SMG1: variants seen among roughly 807,000 people sequenced by gnomAD.
SMG1 encodes the protein serine/threonine-protein kinase SMG1.
SMG1 carries 22 observed loss-of-function variants against 419.9 expected under a neutral mutation model. The ratio of observed to expected loss-of-function variants is 0.05; its 90% CI spans 0.04 to 0.07. SMG1 has a LOEUF of 0.07. Among genes scored for constraint, SMG1 ranks in the 10% least tolerant of loss-of-function variants. The pLI, the probability that SMG1 is intolerant of heterozygous loss-of-function variation, is 1.00. For synonymous variants in SMG1, 1,538 were observed against 1,553.5 expected, an observed-to-expected ratio of 0.99 and a Z score of 0.23; for missense variants, 3,185 against 4,342.0, an observed-to-expected ratio of 0.73 and a Z score of 7.49.
At chr16:18,843,431 A>C (rs2034041173) in intron 39 of SMG1, among the ~76,000 whole-genome samples, 1 of 152,232 alleles carries the variant, frequency 6.6e-6, no homozygotes, top group Non-Finnish European at 1.5e-5. Flanking sequence ...TTGTGTTGCT[A>C]CATGCAGCAA....
At chr16:18,877,725 A>G (rs1206042673) in intron 11 of SMG1, 1 of 153,138 alleles carries the variant, frequency 6.5e-6, no homozygotes, top group Non-Finnish European at 1.5e-5. Flanking sequence ...AATTTTCTGT[A>G]TATCTAAAAA....
intron 50 of SMG1, 79 bp from the exon 51 acceptor site, chr16:18,833,245 A>G (rs1465045949): frequency 2.0e-5 from 21 of 1,066,776 alleles, no homozygotes; most frequent in African/African-American, 4.8e-5. Context: ...AGAGCCATAC[A>G]TTAAGAGCAA....
chr16:18,842,118 A>T, intron 40 of SMG1, 90 bp downstream of exon 40: 2 of 1,386,174 alleles, frequency 1.4e-6, no homozygotes, highest in Non-Finnish European at 2.0e-6. Context: ...ATTCGCCTGA[A>T]ATAATCTCCT....
chr16:18,890,432 G>GT (rs2036825449), intron 5 of SMG1, among the ~76,000 whole-genome samples: 1 of 152,202 alleles, frequency 6.6e-6, no homozygotes, highest in African/African-American at 2.4e-5. Flanking sequence ...GATGTCAGGA[G>GT]TTTGAGACCA....
chr16:18,903,993 G>A (rs1438020290), intron 1 of SMG1, among the ~76,000 whole-genome samples: 4 of 143,238 alleles, frequency 2.8e-5, no homozygotes, highest in Non-Finnish European at 6.0e-5. Flanking sequence ...GCTGAAGTGC[G>A]GTGACGTGAT....
At chr16:18,905,218 G>A (rs1047272457) in intron 1 of SMG1, among the ~76,000 whole-genome samples, 9 of 152,112 alleles carry the variant, frequency 5.9e-5, no homozygotes, top group African/African-American at 1.9e-4. Flanking sequence ...CTGAGGTCGC[G>A]CCATTGCACT....
At chr16:18,912,096 A>C (rs1291930283) in intron 1 of SMG1, among the ~76,000 whole-genome samples, 1 of 151,772 alleles carries the variant, frequency 6.6e-6, no homozygotes, top group Non-Finnish European at 1.5e-5. Flanking sequence ...AAAAAAAAAA[A>C]AAACCATTCT....
At chr16:18,840,591 A>G (rs1050364013) in intron 41 of SMG1, among the ~76,000 whole-genome samples, 2 of 152,212 alleles carry the variant, frequency 1.3e-5, no homozygotes, top group African/African-American at 4.8e-5. Flanking sequence ...TATATTAAGC[A>G]CTCAGATACA....
chr16:18,905,588 C>T (rs1465204228), intron 1 of SMG1, among the ~76,000 whole-genome samples: 1 of 151,546 alleles, frequency 6.6e-6, no homozygotes, highest in Non-Finnish European at 1.5e-5. Flanking sequence ...TTATCCCAAT[C>T]CAAGTATTCT....
intron 4 of SMG1, among the ~76,000 whole-genome samples, chr16:18,891,727 C>T (rs1385956651): frequency 1.3e-5 from 2 of 152,188 alleles, no homozygotes; most frequent in African/African-American, 4.8e-5. Flanking sequence ...AGCCACCACA[C>T]CTGGCCCATA....
In SMG1 at chr16:18,809,316, C is replaced by A. The variant is rs2031150331; in HGVS notation, c.*253G>T. On this transcript the variant is annotated 3_prime_UTR_variant, in exon 63 of 63. Coordinates refer to ENST00000446231, the MANE Select transcript of SMG1 (RefSeq NM_015092.5). ...CTGTTCTGTGGCAGAAAGACAATCT[C>A]CGTGTTCAGGCGGTGAGCTTGCTTT... The A allele has an allele frequency of 2.1e-6, 1 of 482,704 alleles. No individual in the cohort carries two copies. Among genetic ancestry groups the A allele is most frequent in the African/African-American group, 1.9e-5 (1 of 51,370 alleles). 29.9% of individuals were successfully genotyped at this position (482,704 alleles called of 1,614,324 possible). A position where few individuals can be genotyped will look rare whatever the true frequency, so the allele number is the denominator to read the frequency against.
At chr16:18,902,934 A>G (rs1232625985) in intron 1 of SMG1, among the ~76,000 whole-genome samples, 1 of 152,058 alleles carries the variant, frequency 6.6e-6, no homozygotes, top group Non-Finnish European at 1.5e-5. Context: ...CTCCCACATC[A>G]GCCTCCCAAG....
At chr16:18,925,842 G>C (rs1296997202) in intron 1 of SMG1, 108 bp downstream of exon 1, 27 of 826,052 alleles carry the variant, frequency 3.3e-5, no homozygotes, top group Middle Eastern at 3.7e-4. Context: ...GCCCGGCTCC[G>C]AGGGGTGGAG....
chr16:18,897,543 A>C (rs2037181549), intron 1 of SMG1, among the ~76,000 whole-genome samples: 2 of 152,238 alleles, frequency 1.3e-5, no homozygotes, highest in South Asian at 2.1e-4. Context: ...TTAAAAAAGA[A>C]GACATTTTAA....
At chr16:18,910,947 G>A (rs2037769114) in intron 1 of SMG1, among the ~76,000 whole-genome samples, 1 of 152,160 alleles carries the variant, frequency 6.6e-6, no homozygotes, top group African/African-American at 2.4e-5. Context: ...TTCCAACTGT[G>A]TAGTAAAAGG....
At chr16:18,864,632 A>T (rs1409326860) in intron 23 of SMG1, among the ~76,000 whole-genome samples, 5 of 152,032 alleles carry the variant, frequency 3.3e-5, no homozygotes, top group Non-Finnish European at 7.4e-5. Context: ...AGTAGCTGGG[A>T]CTATAGGCGC....
At chr16:18,916,622 C>CAA (rs138491329) in intron 1 of SMG1, among the ~76,000 whole-genome samples, 14 of 147,522 alleles carry the variant, frequency 9.5e-5, no homozygotes, top group East Asian at 2.0e-4. Flanking sequence ...AAAACACACA[C>CAA]AAAAAAAAAC....
In SMG1 at chr16:18,818,078, T is replaced by TA. The variant is rs34054818; in HGVS notation, c.9895-609dup. Among the ~76,000 whole-genome samples, 128 of 141,954 alleles carry TA rather than the reference T, an allele frequency of 9.0e-4. No homozygotes were observed. The Middle Eastern group carries it at 0.011, about 12-fold the overall frequency. The allele number at this position is 141,954 out of a possible 152,430, so 93.1% of individuals were successfully genotyped here. A position where few individuals can be genotyped will look rare whatever the true frequency, so the allele number is the denominator to read the frequency against. ...AGAGGTGCGTGCCACCATGCCTAGCTAAAAAAAAAAAAAAAATTTATTGGC... is the reference window on the plus strand; with the variant it reads ...AGAGGTGCGTGCCACCATGCCTAGCTAAAAAAAAAAAAAAAAATTTATTGGC... On this transcript the variant is annotated intron_variant, in intron 56 of 62. Transcript: ENST00000446231.
Position 18,830,212 on chromosome 16 carries a change from C to T in SMG1, c.8943+7G>A, listed in dbSNP as rs2033072713. 1 of 1,613,464 alleles carries T rather than the reference C, an allele frequency of 6.2e-7. No individual in the cohort carries two copies. The highest frequency in any genetic ancestry group is 1.3e-5 in the African/African-American group (1 of 74,940). Reference sequence around the variant, plus strand: ...TGCATTATTTTTAAATCCAAGTCCACATTTACCTTTTCAACTAATAAGCTG... The same window carrying T: ...TGCATTATTTTTAAATCCAAGTCCATATTTACCTTTTCAACTAATAAGCTG... On this transcript the variant is annotated splice_region_variant and intron_variant, in intron 52 of 62. Transcript: ENST00000446231.
Sources: allele counts gnomAD v4.1 joint callset (sites outside exome capture counted in the v4.1 genomes callset), GRCh38; gene constraint gnomAD v4.1.1; transcripts MANE v1.5; gene names NCBI Gene and HGNC (gene_info 2026-07-23, HGNC 2026-07-21).